The following FAM149A variants were observed in gnomAD, a reference collection of about 807,000 sequenced individuals.
The protein encoded by FAM149A is family with sequence similarity 149 member A.
Under a neutral mutation model 78.2 loss-of-function variants are expected in FAM149A, and 71 were observed. That is an observed-to-expected ratio of 0.91 (90% confidence interval 0.75 to 1.11). The LOEUF (loss-of-function observed/expected upper bound fraction) is 1.11. Ranked by LOEUF, FAM149A falls within the 50% of genes least tolerant of loss-of-function variation. FAM149A has a pLI of 0.00. For missense variants in FAM149A, 1,036 were observed against 971.0 expected (o/e 1.07, Z -0.89); for synonymous variants, 446 against 410.5 (o/e 1.09, Z -1.04).
chr4:186,163,385 G>C (rs1734768193), intron 9 of FAM149A, 39 bp from the exon 10 acceptor site: 1 of 1,539,126 alleles, frequency 6.5e-7, no homozygotes. Flanking sequence ...TGTTATCACA[G>C]CACTCGCAGC....
At chr4:186,150,610 G>A (rs1210230938) in intron 3 of FAM149A, among the ~76,000 whole-genome samples, 11 of 138,598 alleles carry the variant, frequency 7.9e-5, no homozygotes, top group Admixed American at 3.6e-4. Flanking sequence ...TAATAGAGAC[G>A]GGGTTTCACC....
rs1174620065 is a variant in FAM149A at position 186,164,616 on chromosome 4, C to T, written c.1890-728C>T. On this transcript the variant is annotated intron_variant, in intron 10 of 13. Transcript: ENST00000389354. This position sits in a 1 kb window ranked among gnomAD's most constrained non-coding sequence, Gnocchi z 4.0. ...TCCTTCGAGATCCCTCTCCCTCCTCCGCCTCGCTTCCCCCCATGCCAGTCA... is the reference window on the plus strand; with the variant it reads ...TCCTTCGAGATCCCTCTCCCTCCTCTGCCTCGCTTCCCCCCATGCCAGTCA... 3.8e-5 allele frequency: 15 copies of T among 399,742 alleles called. No individual in the cohort carries two copies. Among genetic ancestry groups the T allele is most frequent in the South Asian group, 2.0e-4 (2 of 9,978 alleles). 24.8% of individuals were successfully genotyped at this position (399,742 alleles called of 1,614,324 possible).
At chr4:186,138,993 T>C (rs7686026) in intron 1 of FAM149A, among the ~76,000 whole-genome samples, 131,333 of 151,934 alleles carry the variant, frequency 0.86, 56,836 homozygotes, top group Middle Eastern at 0.91. Context: ...GTGGGAAATG[T>C]GCCTCTTCTC....
At chr4:186,126,823 G>C in intron 1 of FAM149A, 1 of 916,300 alleles carries the variant, frequency 1.1e-6, no homozygotes, top group Non-Finnish European at 1.3e-6. Context: ...ATCTCCTGGT[G>C]TATGTCTCTG....
chr4:186,129,909 TTGGTA>T (rs1158307854), intron 1 of FAM149A: 1 of 152,200 alleles, frequency 6.6e-6, no homozygotes, highest in Admixed American at 6.5e-5. Context: ...ATAGGAAGCA[TTGGTA>T]GAAGTACCAA....
intron 1 of FAM149A, chr4:186,123,977 C>A: frequency 1.0e-6 from 1 of 985,032 alleles, no homozygotes; most frequent in Non-Finnish European, 1.2e-6. Context: ...AACTAGATAG[C>A]TAAAATTTTC....
Position 186,144,385 on chromosome 4 carries a change from T to A in FAM149A, c.567-4788T>A, listed in dbSNP as rs184440129. ...CACGTCTTTAGTATGCATGCTTAGA[T>A]CTAGCGTTCCTGTTGATGGAGTAAT... On this transcript the variant is annotated intron_variant, in intron 1 of 13. Transcript: ENST00000389354. This position sits in a 1 kb window ranked among gnomAD's most constrained non-coding sequence, Gnocchi z 4.2. 5.3e-5 allele frequency: 8 copies of A among 152,352 alleles called. No individual in the cohort carries two copies. The highest frequency in any genetic ancestry group is 1.2e-4 in the Non-Finnish European group (8 of 68,074). The allele number at this position is 152,352 out of a possible 1,614,324, so 9.4% of individuals were successfully genotyped here.
chr4:186,145,150 G>A, intron 1 of FAM149A: 1 of 985,544 alleles, frequency 1.0e-6, no homozygotes, highest in South Asian at 4.7e-5. Context: ...CCTTCTGGCC[G>A]CTCTGCAGGC....
chr4:186,141,753 G>C (rs1444907555), intron 1 of FAM149A, among the ~76,000 whole-genome samples: 1 of 152,136 alleles, frequency 6.6e-6, no homozygotes, highest in Non-Finnish European at 1.5e-5. Context: ...CAAAGGTTTG[G>C]CTTAACAAGA....
intron 1 of FAM149A, chr4:186,126,092 T>G (rs1279021844): frequency 1.0e-6 from 1 of 985,268 alleles, no homozygotes; most frequent in African/African-American, 1.7e-5. Flanking sequence ...GTTTCCAATA[T>G]TTGAAAATTA....
chr4:186,158,888 C>G (rs758021385), intron 8 of FAM149A: 13 of 740,238 alleles, frequency 1.8e-5, no homozygotes, highest in Non-Finnish European at 2.1e-5. Context: ...GAAATAAGGC[C>G]GATGGAAAAT....
chr4:186,166,649 T>TAAA (rs76402174), intron 11 of FAM149A, among the ~76,000 whole-genome samples: 9 of 105,024 alleles, frequency 8.6e-5, no homozygotes, highest in East Asian at 3.2e-4. Context: ...AGACTCTGTT[T>TAAA]AAAAAAAAAA....
At chr4:186,116,369 T>G (rs1346167077) in intron 1 of FAM149A, 31 of 587,138 alleles carry the variant, frequency 5.3e-5, no homozygotes, top group Non-Finnish European at 6.2e-5. Flanking sequence ...TCACTCACGC[T>G]GGGAGCTGTA....
chr4:186,109,150 C>G, intron 1 of FAM149A: 1 of 985,226 alleles, frequency 1.0e-6, no homozygotes, highest in Non-Finnish European at 1.2e-6. Flanking sequence ...CCCGGCCGGT[C>G]TTATTCTCTT....
At chr4:186,133,508 T>G (rs2099321633) in intron 1 of FAM149A, among the ~76,000 whole-genome samples, 1 of 152,202 alleles carries the variant, frequency 6.6e-6, no homozygotes, top group Non-Finnish European at 1.5e-5. Flanking sequence ...GATTTTAAGG[T>G]TCATCCATGT....
In FAM149A at chr4:186,118,147, A is replaced by T; in HGVS notation, c.566+12505A>T. ...AAACAGGCAACTTTGCACGTACAGGAGTTGGTGAACACACACAGTGATCAC... is the reference window on the plus strand; with the variant it reads ...AAACAGGCAACTTTGCACGTACAGGTGTTGGTGAACACACACAGTGATCAC... On this transcript the variant is annotated intron_variant, in intron 1 of 13. Coordinates refer to ENST00000389354, the MANE Select transcript of FAM149A (RefSeq NM_001367768.3). 3 of 985,422 alleles carry T rather than the reference A, an allele frequency of 3.0e-6. No homozygotes were observed. The South Asian group carries it at 1.4e-4, about 46-fold the overall frequency. 61.0% of individuals were successfully genotyped at this position (985,422 alleles called of 1,614,324 possible). A position where few individuals can be genotyped will look rare whatever the true frequency, so the allele number is the denominator to read the frequency against.
chr4:186,117,368 A>C, intron 1 of FAM149A: 1 of 930,334 alleles, frequency 1.1e-6, no homozygotes, highest in Non-Finnish European at 1.3e-6. Context: ...AGAACTGGAA[A>C]TGGATCTTAT....
At chr4:186,141,170 C>G (rs2099325627) in intron 1 of FAM149A, among the ~76,000 whole-genome samples, 1 of 152,210 alleles carries the variant, frequency 6.6e-6, no homozygotes, top group Non-Finnish European at 1.5e-5. Context: ...TTCATGTCCT[C>G]TGCCCACTTG....
chr4:186,125,529 G>T (rs893230177), intron 1 of FAM149A, among the ~76,000 whole-genome samples: 3 of 152,136 alleles, frequency 2.0e-5, no homozygotes, highest in Non-Finnish European at 4.4e-5. Flanking sequence ...TACAGGGGTA[G>T]CTCTATCCAA....
Sources: gnomAD v4.1 joint callset for allele counts (sites outside exome capture counted in the v4.1 genomes callset) on GRCh38, gnomAD v4.1.1 for gene constraint, Gnocchi (gnomAD v3.1) non-coding constraint, MANE v1.5 for transcripts, NCBI Gene and HGNC (gene_info 2026-07-23, HGNC 2026-07-21) for gene names.